Variants in RALGAPA1 observed in about 807,000 individuals in gnomAD.
RALGAPA1 encodes ral GTPase-activating protein subunit alpha-1.
RALGAPA1 carries 52 observed loss-of-function variants against 269.6 expected under a neutral mutation model. That is an observed-to-expected ratio of 0.19 (90% CI 0.15 to 0.24). The LOEUF (loss-of-function observed/expected upper bound fraction) is 0.24. Ranked by LOEUF, RALGAPA1 falls within the 10% of genes least tolerant of loss-of-function variation. RALGAPA1 has a pLI of 1.00. For synonymous variants in RALGAPA1, 817 were observed against 1,008.3 expected (o/e 0.81, Z 3.60); for missense variants, 1,917 against 3,013.9 (o/e 0.64, Z 8.52).
At chr14:35,640,240 G>A (rs1201472520) in intron 31 of RALGAPA1, among the ~76,000 whole-genome samples, 2 of 151,842 alleles carry the variant, frequency 1.3e-5, no homozygotes, top group Non-Finnish European at 2.9e-5. Flanking sequence ...GATCAGAGCA[G>A]AAATGAATAA....
intron 31 of RALGAPA1, among the ~76,000 whole-genome samples, chr14:35,642,617 G>T (rs192826919): frequency 6.0e-4 from 91 of 152,040 alleles, no homozygotes; most frequent in Non-Finnish European, 1.0e-3. Flanking sequence ...CAGTTAAAAC[G>T]GGTTTTATCC....
At chr14:35,608,504 G>A (rs1021463533) in intron 35 of RALGAPA1, among the ~76,000 whole-genome samples, 6 of 152,204 alleles carry the variant, frequency 3.9e-5, no homozygotes, top group African/African-American at 1.2e-4. Flanking sequence ...TAAAGTTGAA[G>A]TCAAAGGAAT....
At chr14:35,752,003 A>C in intron 8 of RALGAPA1, 21 bp downstream of exon 8, 1 of 1,564,528 alleles carries the variant, frequency 6.4e-7, no homozygotes, top group Non-Finnish European at 8.6e-7. Context: ...GATCTTTCAG[A>C]AAATTTCAAA....
At chr14:35,578,142 G>C (rs2057701321) in intron 37 of RALGAPA1, among the ~76,000 whole-genome samples, 1 of 152,090 alleles carries the variant, frequency 6.6e-6, no homozygotes, top group Non-Finnish European at 1.5e-5. Flanking sequence ...AAACAGACAT[G>C]GTCTCTGCTA....
intron 35 of RALGAPA1, among the ~76,000 whole-genome samples, chr14:35,617,711 A>C (rs1038785294): frequency 3.3e-5 from 5 of 151,916 alleles, no homozygotes; most frequent in Non-Finnish European, 5.9e-5. Context: ...GTATGAAACA[A>C]AGATAAATAG....
Position 35,773,355 on chromosome 14 carries a change from G to A in RALGAPA1, c.267+1651C>T, listed in dbSNP as rs965541064. ...AGAGGCCCCCTACTATAAGTAGAAC[G>A]TCAGCACAAAAATCAAATGATTTTT... On this transcript the variant is annotated intron_variant, in intron 3 of 41. Transcript: ENST00000680220. Among the ~76,000 whole-genome samples, 4 of 151,972 alleles carry A rather than the reference G, an allele frequency of 2.6e-5. No individual in the cohort carries two copies. The South Asian group carries it at 6.2e-4, about 24-fold the overall frequency.
intron 13 of RALGAPA1, 112 bp from the exon 14 acceptor site, chr14:35,725,265 G>A: frequency 1.5e-6 from 1 of 662,040 alleles, no homozygotes. Flanking sequence ...AAACATCTTT[G>A]AAAGACAATT....
chr14:35,684,306 C>G (rs985663203), intron 20 of RALGAPA1, among the ~76,000 whole-genome samples: 1 of 152,110 alleles, frequency 6.6e-6, no homozygotes, highest in Non-Finnish European at 1.5e-5. Context: ...AGAATTATAG[C>G]TGAATAACTA....
At chr14:35,623,745 C>A (rs957304548) in intron 35 of RALGAPA1, among the ~76,000 whole-genome samples, 1 of 152,060 alleles carries the variant, frequency 6.6e-6, no homozygotes, top group Non-Finnish European at 1.5e-5. Flanking sequence ...AAATTAAAAA[C>A]AACTTAAATG....
chr14:35,711,004 C>T (rs1326711477), intron 16 of RALGAPA1, among the ~76,000 whole-genome samples: 1 of 152,194 alleles, frequency 6.6e-6, no homozygotes, highest in Non-Finnish European at 1.5e-5. Context: ...CAGAATATAT[C>T]CCCATTTGTT....
rs1226802098 is a variant in RALGAPA1 at position 35,760,974 on chromosome 14, T to C, written c.402A>G (p.Leu134=). The part of the protein sequence containing the change: ...IRREGVRLFL[L]WLQALQNNCS... ...AGTTATTCTGAAGAGCTTGCAACCA[T>C]AGTAAGAAAAGACGAACACCTTCCC... The change falls in exon 6 of 42, where the codon CTA becomes CTG. Residue 134 remains leucine, a synonymous_variant. Transcript: ENST00000680220. The C allele has an allele frequency of 5.0e-6, 8 of 1,604,530 alleles. No individual in the cohort carries two copies. The highest frequency in any genetic ancestry group is 3.4e-5 in the South Asian group (3 of 89,214).
At chr14:35,700,758 A>G (rs2067270211) in intron 16 of RALGAPA1, among the ~76,000 whole-genome samples, 1 of 152,202 alleles carries the variant, frequency 6.6e-6, no homozygotes. Flanking sequence ...AATCATTCCT[A>G]CTTTCATACT....
At chr14:35,669,560 A>T (rs1400913147) in intron 26 of RALGAPA1, among the ~76,000 whole-genome samples, 1 of 152,002 alleles carries the variant, frequency 6.6e-6, no homozygotes, top group African/African-American at 2.4e-5. Context: ...GGCCATCTTT[A>T]TTTTATAGAT....
At position 35,689,724 on chromosome 14, in the gene RALGAPA1, C is replaced by T. The variant is rs2066318413; in HGVS notation, c.2687G>A (p.Ser896Asn). Residue 896 changes from serine (S) to asparagine (N), a missense_variant, in exon 18 of 42, where the codon AGT (serine) becomes AAT (asparagine). Ser to Asn is a conservative substitution (Grantham distance 46). Coordinates refer to ENST00000680220, the MANE Select transcript of RALGAPA1 (RefSeq NM_001346249.2). ...ACCAACTTCCAGAGAAGACTCTCTA[C>T]TATGAGTATCAGTGATGTGGCTTTC... is the stretch of plus-strand genomic sequence containing the variant. ...STESHITDTH[S>N]RESSLEVGDS... The T allele has an allele frequency of 6.8e-7, 1 of 1,462,168 alleles. No homozygotes were observed. Among genetic ancestry groups the T allele is most frequent in the Non-Finnish European group, 9.0e-7 (1 of 1,112,336 alleles). 90.6% of individuals were successfully genotyped at this position (1,462,168 alleles called of 1,614,324 possible). A position where few individuals can be genotyped will look rare whatever the true frequency, so the allele number is the denominator to read the frequency against.
intron 35 of RALGAPA1, among the ~76,000 whole-genome samples, chr14:35,607,837 C>G (rs1333747099): frequency 6.6e-6 from 1 of 152,160 alleles, no homozygotes; most frequent in South Asian, 2.1e-4. Flanking sequence ...GGAAACGAGA[C>G]AGCCAAGAAG....
At chr14:35,683,710 T>C in intron 21 of RALGAPA1, 99 bp downstream of exon 21, 1 of 845,798 alleles carries the variant, frequency 1.2e-6, no homozygotes, top group African/African-American at 1.7e-5. Context: ...TATACTTAAA[T>C]AGTAATAAGT....
chr14:35,712,809 G>A (rs747979567), intron 16 of RALGAPA1, among the ~76,000 whole-genome samples: 3 of 151,820 alleles, frequency 2.0e-5, no homozygotes, highest in Non-Finnish European at 4.4e-5. Flanking sequence ...AAAGTGCTAA[G>A]ATTACAGGCG....
At chr14:35,569,270 A>C (rs2056969658) in intron 39 of RALGAPA1, among the ~76,000 whole-genome samples, 1 of 152,240 alleles carries the variant, frequency 6.6e-6, no homozygotes, top group Non-Finnish European at 1.5e-5. Flanking sequence ...TTTAAAGCTT[A>C]TCATTTACAG....
intron 1 of RALGAPA1, among the ~76,000 whole-genome samples, chr14:35,781,410 G>C (rs2075418085): frequency 6.6e-6 from 1 of 152,058 alleles, no homozygotes; most frequent in Non-Finnish European, 1.5e-5. Flanking sequence ...ATGGCTTATG[G>C]GTGAATCCTA....
Sources: gnomAD v4.1 joint callset for allele counts (sites outside exome capture counted in the v4.1 genomes callset) on GRCh38, gnomAD v4.1.1 for gene constraint, MANE v1.5 for transcripts, NCBI Gene and HGNC (gene_info 2026-07-23, HGNC 2026-07-21) for gene names.